The following BANP variants were observed in gnomAD, a reference collection of about 807,000 sequenced individuals.
The protein encoded by BANP is BTG3 associated nuclear protein.
Under a neutral mutation model 68.1 loss-of-function variants are expected in BANP, and 11 were observed. That is an observed-to-expected ratio of 0.16 (90% CI 0.10 to 0.27). The LOEUF (loss-of-function observed/expected upper bound fraction) is 0.27, where lower values mean the gene tolerates loss of function less well. Ranked by LOEUF, BANP falls within the 10% of genes least tolerant of loss-of-function variation. BANP has a pLI of 1.00. For synonymous variants in BANP, 329 were observed against 303.2 expected, an observed-to-expected ratio of 1.09 and a Z score of -0.88; for missense variants, 504 against 722.7, an observed-to-expected ratio of 0.70 and a Z score of 3.47.
At chr16:88,037,037 A>G (rs2079546032) in intron 10 of BANP, among the ~76,000 whole-genome samples, 1 of 152,204 alleles carries the variant, frequency 6.6e-6, no homozygotes, top group African/African-American at 2.4e-5. Flanking sequence ...CTGGGAGGCT[A>G]AGCTCACTGC....
At chr16:87,996,194 GCT>G (rs1295003019) in intron 4 of BANP, among the ~76,000 whole-genome samples, 1 of 152,160 alleles carries the variant, frequency 6.6e-6, no homozygotes, top group East Asian at 1.9e-4. Context: ...AGATCAGGTG[GCT>G]CTCTCGCCCC....
chr16:88,063,179 C>G (rs2087379180), intron 11 of BANP, among the ~76,000 whole-genome samples: 1 of 152,258 alleles, frequency 6.6e-6, no homozygotes, highest in African/African-American at 2.4e-5. Flanking sequence ...GCTGTGCCTT[C>G]ATTTCTGCGT....
In BANP at chr16:87,981,079, T is replaced by C; in HGVS notation, c.114T>C (p.Ala38=). The C allele has an allele frequency of 1.2e-6, 2 of 1,614,124 alleles. No individual in the cohort carries two copies. The highest frequency in any genetic ancestry group is 1.7e-6 in the Non-Finnish European group (2 of 1,180,028). ...TAGTGACAGATGAAGACGAACCTGC[T>C]TTGAAACGCCAGCGACTAGAAATCA... ...NHVVTDEDEP[A]LKRQRLEINC... is the part of the protein sequence containing the mutation. The change falls in exon 3 of 14, where the codon GCT becomes GCC. Residue 38 remains alanine, a synonymous_variant. Coordinates refer to ENST00000682872, the MANE Select transcript of BANP (RefSeq NM_001386991.1).
At chr16:88,014,247 G>T (rs1035271783) in intron 6 of BANP, among the ~76,000 whole-genome samples, 1 of 152,194 alleles carries the variant, frequency 6.6e-6, no homozygotes, top group Non-Finnish European at 1.5e-5. Context: ...GTGGGGTGGA[G>T]GGCACGGCCA....
In BANP at chr16:88,050,758, G is replaced by T. The variant is rs113790455; in HGVS notation, c.1311+12747G>T. Among the ~76,000 whole-genome samples, 48 of 152,128 alleles carry T rather than the reference G, an allele frequency of 3.2e-4. 1 individual carries two copies. Among genetic ancestry groups the T allele is most frequent in the African/African-American group, 1.1e-3 (46 of 41,510 alleles). On this transcript the variant is annotated intron_variant, in intron 11 of 13. Transcript: ENST00000682872. ...GGCTGGAGTGCAGTGGTGCAGTCAC[G>T]GCTCACTGCAACCTCTGCCTCCAGG...
Position 87,975,154 on chromosome 16 carries a change from T to C in BANP, c.39T>C (p.Ile13=), listed in dbSNP as rs1442611745. 1 of 1,614,078 alleles carries C rather than the reference T, an allele frequency of 6.2e-7. No homozygotes were observed. Among genetic ancestry groups the C allele is most frequent in the Non-Finnish European group, 8.5e-7 (1 of 1,180,030 alleles). Residue 13 remains isoleucine (I), a synonymous_variant, in exon 2 of 14, where the codon ATT becomes ATC. Transcript: ENST00000682872. ...SEHDLADVVQ[I]AVEDLSPDHP... is the part of the protein sequence containing the mutation. Reference sequence around the variant, plus strand: ...ACGACCTGGCCGATGTGGTTCAGATTGCAGTGGAAGACCTGAGCCCTGACC... The same window carrying C: ...ACGACCTGGCCGATGTGGTTCAGATCGCAGTGGAAGACCTGAGCCCTGACC...
chr16:88,076,644 G>T lies in BANP; in HGVS notation c.1576G>T (p.Ala526Ser). ...LQPEMQLEHG[A>S]IQIQ The stretch of plus-strand genomic sequence containing the variant: ...GCCGGAGATGCAGCTCGAGCACGGG[G>T]CCATCCAGATTCAGTGAGCGGTGCC... Residue 526 changes from alanine to serine, a missense_variant, in exon 14 of 14, where the codon GCC becomes TCC. Physicochemically the swap from Ala to Ser is moderately conservative, Grantham distance 99. Coordinates refer to ENST00000682872, the MANE Select transcript of BANP (RefSeq NM_001386991.1). The T allele has an allele frequency of 6.2e-7, 1 of 1,609,750 alleles. No individual in the cohort carries two copies.
intron 12 of BANP, among the ~76,000 whole-genome samples, chr16:88,069,765 G>A (rs575972669): frequency 6.6e-6 from 1 of 152,344 alleles, no homozygotes; most frequent in Admixed American, 6.5e-5. Context: ...ACCAAAAAAC[G>A]AACGTTTGTT....
intron 1 of BANP, among the ~76,000 whole-genome samples, chr16:87,968,670 A>G (rs1050102801): frequency 6.6e-6 from 1 of 152,000 alleles, no homozygotes; most frequent in East Asian, 1.9e-4. Context: ...GTTTCATGCT[A>G]GTTGCGCCTG....
rs558514208 is a variant in BANP, at chr16:87,988,915, C to T, written c.362+4656C>T. Among the ~76,000 whole-genome samples the T allele has an allele frequency of 3.9e-5, 6 of 152,340 alleles. No individual in the cohort carries two copies. In the South Asian group the frequency reaches 1.0e-3, roughly 26 times the overall value. ...GCCCCCTCTCTGTGTGTTGAAATCACCCCACCTGTTGGTTCTTTCTCATTA... is the reference window on the plus strand; with the variant it reads ...GCCCCCTCTCTGTGTGTTGAAATCATCCCACCTGTTGGTTCTTTCTCATTA... On this transcript the variant is annotated intron_variant, in intron 4 of 13. Coordinates refer to ENST00000682872, the MANE Select transcript of BANP (RefSeq NM_001386991.1).
chr16:88,041,976 A>G (rs1477217663), intron 11 of BANP, among the ~76,000 whole-genome samples: 1 of 151,956 alleles, frequency 6.6e-6, no homozygotes, highest in Non-Finnish European at 1.5e-5. Flanking sequence ...TAGGAGGGTG[A>G]GAGACGCAGT....
In BANP at chr16:88,002,855, C is replaced by G. The variant is rs1000899936; in HGVS notation, c.363-1440C>G. Among the ~76,000 whole-genome samples the G allele has an allele frequency of 2.6e-5, 4 of 152,220 alleles. No homozygotes were observed. The highest frequency in any genetic ancestry group is 5.9e-5 in the Non-Finnish European group (4 of 68,048). ...AGTCATTAGGGGACTGTTGGCTTCT[C>G]AGCAGCACCGTCCTTCTTCAGTTGC... On this transcript the variant is annotated intron_variant, in intron 4 of 13. Coordinates refer to ENST00000682872, the MANE Select transcript of BANP (RefSeq NM_001386991.1). This position sits in a 1 kb window ranked among gnomAD's most constrained non-coding sequence, Gnocchi z 4.6.
At chr16:88,054,088 A>G (rs1335743754) in intron 11 of BANP, among the ~76,000 whole-genome samples, 1 of 93,338 alleles carries the variant, frequency 1.1e-5, no homozygotes, top group African/African-American at 3.4e-5. Flanking sequence ...CACCACCTCT[A>G]CTGTCATCTC....
chr16:88,073,149 G>A (rs930060747), intron 13 of BANP, among the ~76,000 whole-genome samples: 13 of 152,212 alleles, frequency 8.5e-5, no homozygotes, highest in African/African-American at 2.9e-4. Context: ...CTCAGGAGGC[G>A]CTTGCTGAAG....
intron 11 of BANP, among the ~76,000 whole-genome samples, chr16:88,049,075 A>C (rs1022080381): frequency 2.0e-5 from 3 of 152,124 alleles, no homozygotes; most frequent in African/African-American, 7.2e-5. Context: ...GGACACAGCA[A>C]GCAGTGGACA....
chr16:88,015,090 CCCCTCTGCCCGT>C (rs1302139836), intron 6 of BANP, among the ~76,000 whole-genome samples: 3 of 140,490 alleles, frequency 2.1e-5, no homozygotes, highest in Admixed American at 7.0e-5. Context: ...CTCTGCCTGT[CCCCTCTGCCCGT>C]CCCTCTGCCT....
chr16:88,032,966 A>T, intron 8 of BANP, 143 bp from the exon 9 acceptor site: 1 of 932,088 alleles, frequency 1.1e-6, no homozygotes, highest in Non-Finnish European at 1.5e-6. Context: ...AAGAGTGGAG[A>T]TGCAGTGAGT....
chr16:87,959,572 G>A (rs964995493), intron 1 of BANP, among the ~76,000 whole-genome samples: 3 of 152,264 alleles, frequency 2.0e-5, no homozygotes, highest in African/African-American at 7.2e-5. Context: ...TGGAGGAACA[G>A]CGCTGGCGTC....
intron 2 of BANP, among the ~76,000 whole-genome samples, chr16:87,975,478 T>C (rs1567632167): frequency 2.6e-5 from 4 of 152,144 alleles, no homozygotes; most frequent in Non-Finnish European, 5.9e-5. Flanking sequence ...CCCTGCCGCG[T>C]CCCTGTGTGC....
Sources: gnomAD v4.1 joint callset for allele counts (sites outside exome capture counted in the v4.1 genomes callset) on GRCh38, gnomAD v4.1.1 for gene constraint, Gnocchi (gnomAD v3.1) non-coding constraint, MANE v1.5 for transcripts, NCBI Gene and HGNC (gene_info 2026-07-23, HGNC 2026-07-21) for gene names.